GALNT13: variants seen among roughly 807,000 people sequenced by gnomAD.
The protein encoded by GALNT13 is polypeptide N-acetylgalactosaminyltransferase 13, also known as UDP-GalNAc:polypeptide N-acetylgalactosaminyltransferase 13.
Under a neutral mutation model 64.2 loss-of-function variants are expected in GALNT13, and 28 were observed. The observed-to-expected ratio is 0.44, with a 90% CI of 0.32 to 0.60. The LOEUF (loss-of-function observed/expected upper bound fraction) is 0.60, where lower values mean the gene tolerates loss of function less well. GALNT13 is among the 20% of genes least tolerant of loss of function. GALNT13 has a pLI of 0.05. For synonymous variants in GALNT13, 214 were observed against 224.6 expected, an observed-to-expected ratio of 0.95 and a Z score of 0.42; for missense variants, 577 against 669.8, an observed-to-expected ratio of 0.86 and a Z score of 1.53.
the GALNT13 span, among the ~76,000 whole-genome samples, chr2:153,293,214 G>A: frequency 6.0e-3 from 907 of 152,158 alleles, 9 homozygotes; most frequent in African/African-American, 0.021. Context: ...CCTGAAACCC[G>A]TAAATAGGTT....
chr2:154,022,698 A>G (rs1304962499), intron 3 of GALNT13, among the ~76,000 whole-genome samples: 4 of 152,006 alleles, frequency 2.6e-5, no homozygotes, highest in Non-Finnish European at 5.9e-5. Context: ...TATTTCCTTC[A>G]GTTCTGCTCT....
At chr2:153,755,451 G>C in the GALNT13 span, among the ~76,000 whole-genome samples, 1 of 151,916 alleles carries the variant, frequency 6.6e-6, no homozygotes, top group African/African-American at 2.4e-5. Flanking sequence ...CATTCTGACA[G>C]GTACTAGATA....
At chr2:153,440,185 G>A in the GALNT13 span, among the ~76,000 whole-genome samples, 2 of 151,784 alleles carry the variant, frequency 1.3e-5, no homozygotes, top group Admixed American at 1.3e-4. Flanking sequence ...CCACTTATGA[G>A]TGAGAACATG....
At chr2:153,224,436 C>T in the GALNT13 span, among the ~76,000 whole-genome samples, 1 of 152,042 alleles carries the variant, frequency 6.6e-6, no homozygotes. Context: ...CAGCATCACA[C>T]AATATACTCA....
At chr2:154,162,381 G>A (rs1684782869) in intron 4 of GALNT13, among the ~76,000 whole-genome samples, 1 of 152,182 alleles carries the variant, frequency 6.6e-6, no homozygotes, top group African/African-American at 2.4e-5. Context: ...ACCTGTGAAT[G>A]ATTTTAACCA....
At chr2:154,246,241 T>G (rs182271445) in intron 7 of GALNT13, among the ~76,000 whole-genome samples, 38 of 152,236 alleles carry the variant, frequency 2.5e-4, no homozygotes, top group African/African-American at 9.1e-4. Context: ...AAAATATATT[T>G]ACTGTGAATT....
At chr2:154,308,075 A>T (rs1051374302) in intron 9 of GALNT13, among the ~76,000 whole-genome samples, 2 of 151,986 alleles carry the variant, frequency 1.3e-5, no homozygotes, top group Admixed American at 1.3e-4. Context: ...CTTGATGGAC[A>T]CTCTTGTTTT....
At chr2:153,330,537 G>A in the GALNT13 span, among the ~76,000 whole-genome samples, 1 of 151,862 alleles carries the variant, frequency 6.6e-6, no homozygotes. Context: ...TGTTTTAAAT[G>A]GGATTGCATT....
At chr2:153,911,889 G>C (rs1213750356) in intron 2 of GALNT13, among the ~76,000 whole-genome samples, 1 of 151,948 alleles carries the variant, frequency 6.6e-6, no homozygotes, top group Non-Finnish European at 1.5e-5. Context: ...TCTTGGGGAT[G>C]GTCTTCCTGT....
intron 1 of GALNT13, among the ~76,000 whole-genome samples, chr2:153,889,403 C>G (rs1383067582): frequency 1.3e-5 from 2 of 151,910 alleles, no homozygotes. Flanking sequence ...CAAAGCCTTC[C>G]TGACACTCTT....
the GALNT13 span, among the ~76,000 whole-genome samples, chr2:153,650,696 G>A: frequency 1.3e-5 from 2 of 152,126 alleles, no homozygotes; most frequent in Admixed American, 6.6e-5. Context: ...TGTCTGCAAA[G>A]TATTTTATTT....
Position 154,396,126 on chromosome 2 carries a change from G to A in GALNT13, c.1292G>A (p.Gly431Asp). The A allele has an allele frequency of 1.3e-6, 2 of 1,595,508 alleles. No homozygotes were observed. The highest frequency in any genetic ancestry group is 1.7e-6 in the Non-Finnish European group (2 of 1,172,662). The change falls in exon 10 of 13, where the codon GGT (glycine) becomes GAT (aspartate). Residue 431 changes from glycine (G) to aspartate (D), a missense_variant. Transcript: ENST00000392825. ...SQIPRRYYSL[G>D]EIRNVETNQC... The stretch of plus-strand genomic sequence containing the variant: ...ATCCCAAGACGTTATTACTCACTTG[G>A]TGAGGTATGAATTATTTATTTTGGT...
intron 9 of GALNT13, among the ~76,000 whole-genome samples, chr2:154,366,566 T>A (rs865882965): frequency 6.6e-6 from 1 of 152,160 alleles, no homozygotes; most frequent in South Asian, 2.1e-4. Context: ...TAAAGCAAAT[T>A]CAAATCTGCT....
Position 153,889,943 on chromosome 2 carries a change from A to C in GALNT13, c.-176-10993A>C, listed in dbSNP as rs554658113. Among the ~76,000 whole-genome samples, 138 of 151,856 alleles carry C rather than the reference A, an allele frequency of 9.1e-4. 1 individual carries two copies. The highest frequency in any genetic ancestry group is 3.1e-3 in the African/African-American group (129 of 41,476). ...TAAAACCCTGGGGGTCCACTGGCCA[A>C]AATTTAGTTTTGTGGGTGTGTCTGC... is the stretch of plus-strand genomic sequence containing the variant. On this transcript the variant is annotated intron_variant, in intron 1 of 12. Transcript: ENST00000392825.
chr2:154,353,488 A>G (rs1209363208), intron 9 of GALNT13, among the ~76,000 whole-genome samples: 1 of 152,170 alleles, frequency 6.6e-6, no homozygotes, highest in Non-Finnish European at 1.5e-5. Context: ...AAATTTATTA[A>G]TAGTCCTCAT....
chr2:153,964,080 C>G (rs538101193), intron 3 of GALNT13, among the ~76,000 whole-genome samples: 95 of 151,642 alleles, frequency 6.3e-4, no homozygotes, highest in Non-Finnish European at 9.1e-4. Flanking sequence ...TTTTTCCCCC[C>G]CAAAAGAAAC....
At chr2:154,032,491 G>A (rs1444115918) in intron 3 of GALNT13, among the ~76,000 whole-genome samples, 5 of 151,680 alleles carry the variant, frequency 3.3e-5, no homozygotes, top group African/African-American at 9.7e-5. Context: ...TACCTCTCAT[G>A]AATATAGATA....
At chr2:153,789,072 T>A in the GALNT13 span, among the ~76,000 whole-genome samples, 1 of 152,090 alleles carries the variant, frequency 6.6e-6, no homozygotes, top group South Asian at 2.1e-4. Context: ...ATATTCAGGA[T>A]CTGAACTCAA....
At chr2:154,315,946 G>T (rs2105144947) in intron 9 of GALNT13, among the ~76,000 whole-genome samples, 1 of 152,186 alleles carries the variant, frequency 6.6e-6, no homozygotes, top group Middle Eastern at 3.4e-3. Flanking sequence ...AAATTAGCTG[G>T]GCGTGGTGGC....
Sources: gnomAD v4.1 joint callset for allele counts (sites outside exome capture counted in the v4.1 genomes callset) on GRCh38, gnomAD v4.1.1 for gene constraint, MANE v1.5 for transcripts, NCBI Gene and HGNC (gene_info 2026-07-23, HGNC 2026-07-21) for gene names.